The following CDKL3 variants were observed in gnomAD, a reference collection of about 807,000 sequenced individuals.
The protein encoded by CDKL3 is cyclin dependent kinase like 3.
In CDKL3, 65 loss-of-function variants were observed where a neutral mutation model predicts 69.3. The ratio of observed to expected loss-of-function variants is 0.94; its 90% CI spans 0.77 to 1.15. The LOEUF is 1.15. CDKL3 is among the 50% of genes most tolerant of loss of function. CDKL3 has a pLI of 0.00. For synonymous variants in CDKL3, 202 were observed against 221.6 expected (o/e 0.91, Z 0.79); for missense variants, 652 against 689.2 (o/e 0.95, Z 0.61).
intron 4 of CDKL3, among the ~76,000 whole-genome samples, chr5:134,324,902 T>C (rs1396139406): frequency 6.6e-6 from 1 of 152,226 alleles, no homozygotes; most frequent in Non-Finnish European, 1.5e-5. Context: ...TAATACAAGA[T>C]GTTAGTAATA....
At chr5:134,318,778 C>A (rs142007790) in intron 6 of CDKL3, among the ~76,000 whole-genome samples, 7 of 152,104 alleles carry the variant, frequency 4.6e-5, no homozygotes, top group Admixed American at 2.6e-4. Flanking sequence ...AGCCACCCTG[C>A]CTGGCCCATT....
chr5:134,328,917 T>C (rs1775066656), intron 4 of CDKL3, among the ~76,000 whole-genome samples: 1 of 152,258 alleles, frequency 6.6e-6, no homozygotes, highest in Non-Finnish European at 1.5e-5. Flanking sequence ...CTTTCAAAAA[T>C]GAAGGTGAAA....
intron 4 of CDKL3, among the ~76,000 whole-genome samples, chr5:134,330,782 T>C (rs928656370): frequency 1.3e-5 from 2 of 152,206 alleles, no homozygotes; most frequent in African/African-American, 4.8e-5. Flanking sequence ...GCAGATATTA[T>C]CATTCTCTGG....
chr5:134,285,628 G>T (rs925817182), downstream of CDKL3, among the ~76,000 whole-genome samples: 2 of 152,214 alleles, frequency 1.3e-5, no homozygotes, highest in African/African-American at 4.8e-5. Context: ...TTTCCCCATT[G>T]TCTTGGGGAT....
intron 2 of CDKL3, among the ~76,000 whole-genome samples, chr5:134,360,706 T>A (rs1755801768): frequency 6.6e-6 from 1 of 152,230 alleles, no homozygotes; most frequent in South Asian, 2.1e-4. Flanking sequence ...CTGCTATTTT[T>A]AAACTTGGTT....
At chr5:134,296,188 C>T (rs922929897), downstream of CDKL3, among the ~76,000 whole-genome samples, 5 of 152,158 alleles carry the variant, frequency 3.3e-5, no homozygotes, top group Non-Finnish European at 5.9e-5. Context: ...TGAGCCACCA[C>T]ACCCAGCTGA....
At chr5:134,312,786 C>T (rs1032376957) in intron 6 of CDKL3, among the ~76,000 whole-genome samples, 1 of 152,190 alleles carries the variant, frequency 6.6e-6, no homozygotes, top group Non-Finnish European at 1.5e-5. Context: ...TTGTCTGACG[C>T]CTAATCCAGC....
intron 3 of CDKL3, among the ~76,000 whole-genome samples, chr5:134,355,100 A>T (rs1581203608): frequency 6.9e-6 from 1 of 144,516 alleles, no homozygotes; most frequent in South Asian, 2.2e-4. Flanking sequence ...ACTAAAAATT[A>T]AAAAAAAAAG....
intron 6 of CDKL3, 24 bp downstream of exon 6, chr5:134,319,334 G>T: frequency 6.8e-7 from 1 of 1,469,190 alleles, no homozygotes; most frequent in Non-Finnish European, 9.1e-7. Flanking sequence ...TGTCTCCGGG[G>T]GAGGAAAAAA....
rs774864686 is a variant in CDKL3 at position 134,308,684 on chromosome 5, CT to C, written c.924del (p.Val309SerfsTer4). The C allele has an allele frequency of 4.5e-5, 72 of 1,603,034 alleles. No individual in the cohort carries two copies. The highest frequency in any genetic ancestry group is 6.0e-5 in the Non-Finnish European group (71 of 1,177,446). On this transcript the variant is annotated frameshift_variant, in exon 8 of 13. Transcript: ENST00000265334. LOFTEE classifies it high-confidence loss of function. ...TCTTTTGGCTTTATTAATGAATTGACTTTTGCTTCCTGCAGTAATTTAGCTT... is the reference window on the plus strand; with the variant it reads ...TCTTTTGGCTTTATTAATGAATTGACTTTGCTTCCTGCAGTAATTTAGCTT... ...ELKAKLLQEA[K>X]VNSLIKPKES... is the part of the protein sequence containing the mutation.
intron 2 of CDKL3, among the ~76,000 whole-genome samples, chr5:134,364,863 G>A (rs1393189689): frequency 7.0e-6 from 1 of 143,664 alleles, no homozygotes; most frequent in Non-Finnish European, 1.5e-5. Flanking sequence ...CTAGAGTGCA[G>A]TGGCGTGATC....
In CDKL3 at chr5:134,361,580, G is replaced by A. The variant is rs138110790; in HGVS notation, c.166-1489C>T. Among the ~76,000 whole-genome samples the A allele has an allele frequency of 1.2e-4, 19 of 152,268 alleles. No individual in the cohort carries two copies. In the East Asian group the frequency reaches 3.7e-3, roughly 29 times the overall value. On this transcript the variant is annotated intron_variant, in intron 2 of 12. Transcript: ENST00000265334. Reference sequence around the variant, plus strand: ...CTGGTTGGCAAGATGCCACAGTGCTGCAGCAATAGCATATTGACAGCAGTG... The same window carrying A: ...CTGGTTGGCAAGATGCCACAGTGCTACAGCAATAGCATATTGACAGCAGTG...
chr5:134,318,770 C>T, intron 6 of CDKL3, among the ~76,000 whole-genome samples: 1 of 151,950 alleles, frequency 6.6e-6, no homozygotes, highest in East Asian at 1.9e-4. Context: ...CACACATAAG[C>T]CACCCTGCCT....
At chr5:134,315,387 G>A (rs1005854510) in intron 6 of CDKL3, among the ~76,000 whole-genome samples, 2 of 151,916 alleles carry the variant, frequency 1.3e-5, no homozygotes, top group South Asian at 2.1e-4. Flanking sequence ...GATAGAGTGC[G>A]GTGCTGCAAG....
chr5:134,290,527 G>A (rs1167155027), intron 8 of CDKL3, among the ~76,000 whole-genome samples: 2 of 152,054 alleles, frequency 1.3e-5, no homozygotes, highest in African/African-American at 4.8e-5. Context: ...GGGGCCAGTG[G>A]GCCTGGAACA....
At chr5:134,351,320 G>C (rs1190280580) in intron 3 of CDKL3, among the ~76,000 whole-genome samples, 1 of 152,012 alleles carries the variant, frequency 6.6e-6, no homozygotes, top group African/African-American at 2.4e-5. Flanking sequence ...TTGTGGGGTG[G>C]GGGAGCCACT....
At chr5:134,325,825 G>C (rs919194454) in intron 4 of CDKL3, among the ~76,000 whole-genome samples, 1 of 151,550 alleles carries the variant, frequency 6.6e-6, no homozygotes, top group East Asian at 1.9e-4. Flanking sequence ...GTGCAGTGGC[G>C]CGATCTCGGC....
chr5:134,347,897 G>C (rs1167235386), intron 4 of CDKL3, among the ~76,000 whole-genome samples: 1 of 151,982 alleles, frequency 6.6e-6, no homozygotes, highest in Non-Finnish European at 1.5e-5. Flanking sequence ...AGTTACAGTG[G>C]GTACAGGGTT....
intron 7 of CDKL3, among the ~76,000 whole-genome samples, chr5:134,310,153 T>G (rs1418727838): frequency 6.8e-6 from 1 of 148,124 alleles, no homozygotes; most frequent in African/African-American, 2.6e-5. Flanking sequence ...TTTTTATCAA[T>G]GGCACTTCAT....
Sources: allele counts gnomAD v4.1 joint callset (sites outside exome capture counted in the v4.1 genomes callset), GRCh38; gene constraint gnomAD v4.1.1; transcripts MANE v1.5; gene names NCBI Gene and HGNC (gene_info 2026-07-23, HGNC 2026-07-21).